The following ANKRD44 variants were observed in gnomAD, a reference collection of about 807,000 sequenced individuals.
ANKRD44 encodes the protein serine/threonine-protein phosphatase 6 regulatory ankyrin repeat subunit B.
ANKRD44 carries 35 observed loss-of-function variants against 116.0 expected under a neutral mutation model. The observed-to-expected ratio is 0.30, with a 90% CI of 0.23 to 0.40. The LOEUF is 0.40. Ranked by LOEUF, ANKRD44 falls within the 10% of genes least tolerant of loss-of-function variation. The probability of loss-of-function intolerance (pLI) is 1.00; values close to 1 mark genes in which losing one functional copy is unlikely to be tolerated. For missense variants in ANKRD44, 1,014 were observed against 1,242.6 expected (o/e 0.82, Z 2.77); for synonymous variants, 435 against 461.8 (o/e 0.94, Z 0.74).
chr2:197,010,138 C>A (rs546526477), intron 18 of ANKRD44, among the ~76,000 whole-genome samples: 1 of 151,938 alleles, frequency 6.6e-6, no homozygotes, highest in Non-Finnish European at 1.5e-5. Context: ...GACCTGGGGC[C>A]GCCTCTTCTC....
intron 4 of ANKRD44, chr2:197,135,365 G>A (rs1440099418): frequency 2.0e-5 from 3 of 152,162 alleles, no homozygotes; most frequent in African/African-American, 7.2e-5. Context: ...TGCAAGGTTT[G>A]AACCTCTTGT....
At position 197,126,054 on chromosome 2, in the gene ANKRD44, G is replaced by A. The variant is rs755067258; in HGVS notation, c.262-17C>T. 6.2e-7 allele frequency: 1 copy of A among 1,613,718 alleles called. No individual in the cohort carries two copies. Among genetic ancestry groups the A allele is most frequent in the Admixed American group, 1.7e-5 (1 of 60,024 alleles). On this transcript the variant is annotated splice_polypyrimidine_tract_variant and intron_variant, in intron 4 of 27. Transcript: ENST00000282272. ...TACTGCTTCCTACAACAAAAGCAGA[G>A]TTTGCAGAGGTCACTGACAGACGTT...
chr2:197,163,785 G>A (rs1381637945), intron 2 of ANKRD44, among the ~76,000 whole-genome samples: 2 of 152,126 alleles, frequency 1.3e-5, no homozygotes, highest in African/African-American at 2.4e-5. Flanking sequence ...ACGACACCAC[G>A]TCCAGCTAAT....
intron 16 of ANKRD44, among the ~76,000 whole-genome samples, chr2:197,042,756 C>T (rs2076934398): frequency 6.6e-6 from 1 of 152,102 alleles, no homozygotes; most frequent in Admixed American, 6.5e-5. Context: ...CTGACTAAAC[C>T]TTTTCAGGCA....
At chr2:196,992,847 T>C (rs1239549745) in intron 27 of ANKRD44, 2 of 152,674 alleles carry the variant, frequency 1.3e-5, no homozygotes, top group East Asian at 3.8e-4. Flanking sequence ...TAATACATTA[T>C]AATACTTTAA....
At chr2:197,260,643 C>T (rs1410434588) in intron 1 of ANKRD44, among the ~76,000 whole-genome samples, 3 of 151,984 alleles carry the variant, frequency 2.0e-5, no homozygotes, top group Non-Finnish European at 4.4e-5. Flanking sequence ...TTCTAGATCC[C>T]TGAGGAATCT....
At chr2:197,233,645 G>C (rs1008662585) in intron 1 of ANKRD44, among the ~76,000 whole-genome samples, 1 of 152,190 alleles carries the variant, frequency 6.6e-6, no homozygotes, top group African/African-American at 2.4e-5. Context: ...TGGGACTACA[G>C]GCATGTAACA....
chr2:197,030,427 C>T (rs2076682892), intron 16 of ANKRD44, among the ~76,000 whole-genome samples: 1 of 152,154 alleles, frequency 6.6e-6, no homozygotes, highest in Non-Finnish European at 1.5e-5. Flanking sequence ...AAGCAAGACA[C>T]AGGGATGCAG....
chr2:197,108,735 G>A (rs2078493054), intron 9 of ANKRD44, among the ~76,000 whole-genome samples: 1 of 152,140 alleles, frequency 6.6e-6, no homozygotes, highest in Non-Finnish European at 1.5e-5. Flanking sequence ...CTACTTGGGA[G>A]GCTGAGGCAC....
chr2:197,137,650 A>T (rs2579386), intron 3 of ANKRD44, among the ~76,000 whole-genome samples: 139,548 of 152,226 alleles, frequency 0.92, 64,409 homozygotes, highest in East Asian at 0.98. Flanking sequence ...CATCAACAGC[A>T]TTAATCACAG....
chr2:197,231,854 C>A (rs892974281), intron 1 of ANKRD44, among the ~76,000 whole-genome samples: 20 of 152,232 alleles, frequency 1.3e-4, no homozygotes, highest in Non-Finnish European at 2.6e-4. Context: ...AGGTGCTTCA[C>A]TTATCACATG....
chr2:197,267,052 A>AAAGGG (rs2082760090), intron 1 of ANKRD44, among the ~76,000 whole-genome samples: 1 of 150,366 alleles, frequency 6.7e-6, no homozygotes, highest in Non-Finnish European at 1.5e-5. Context: ...GGCATTCATT[A>AAAGGG]AATATTAGAT....
At chr2:197,305,816 T>G (rs1196149471) in intron 1 of ANKRD44, among the ~76,000 whole-genome samples, 4 of 151,846 alleles carry the variant, frequency 2.6e-5, no homozygotes, top group African/African-American at 9.7e-5. Context: ...GTTTAAAAAT[T>G]TTAACTGGCT....
chr2:197,176,355 T>A (rs968902014), intron 2 of ANKRD44, among the ~76,000 whole-genome samples: 12 of 152,204 alleles, frequency 7.9e-5, no homozygotes, highest in Non-Finnish European at 1.8e-4. Context: ...CTGATATACA[T>A]ACATCATCTC....
At chr2:197,266,878 C>T (rs769478453) in intron 1 of ANKRD44, among the ~76,000 whole-genome samples, 2 of 152,010 alleles carry the variant, frequency 1.3e-5, no homozygotes, top group African/African-American at 2.4e-5. Flanking sequence ...ATGTCCTATA[C>T]GGTCTGTTAA....
chr2:197,187,629 G>A (rs1294446587), intron 1 of ANKRD44, among the ~76,000 whole-genome samples: 3 of 150,524 alleles, frequency 2.0e-5, no homozygotes, highest in Non-Finnish European at 4.4e-5. Context: ...AGAGACACCA[G>A]AGCTCACGTT....
intron 17 of ANKRD44, chr2:197,015,575 G>T: frequency 1.9e-6 from 1 of 524,236 alleles, no homozygotes. Context: ...GGAAACTTTG[G>T]AGATGGAGGA....
At chr2:196,967,439 T>C (rs1477314485) in exon 22 of ANKRD44, 1 of 469,098 alleles carries the variant, frequency 2.1e-6, no homozygotes, top group South Asian at 1.6e-5. Context: ...TCTTGAATGG[T>C]TAACAGCCTG....
downstream of ANKRD44, among the ~76,000 whole-genome samples, chr2:196,984,596 G>A (rs976989664): frequency 7.9e-5 from 12 of 152,318 alleles, no homozygotes; most frequent in African/African-American, 2.4e-4. Context: ...TGGAATTAGC[G>A]TGAAGGAACC....
Sources: gnomAD v4.1 joint callset for allele counts (sites outside exome capture counted in the v4.1 genomes callset) on GRCh38, gnomAD v4.1.1 for gene constraint, MANE v1.5 for transcripts, NCBI Gene and HGNC (gene_info 2026-07-23, HGNC 2026-07-21) for gene names.